The following MYH8 variants were observed in gnomAD, a reference collection of about 807,000 sequenced individuals.
The protein encoded by MYH8 is myosin-8.
A neutral mutation model predicts 233.2 loss-of-function variants in MYH8; 168 were observed. The ratio of observed to expected loss-of-function variants is 0.72; its 90% CI spans 0.64 to 0.82. The LOEUF is 0.82. Among genes scored for constraint, MYH8 ranks in the 40% least tolerant of loss-of-function variants. The probability of loss-of-function intolerance (pLI) is 0.00; values close to 1 mark genes in which losing one functional copy is unlikely to be tolerated. For synonymous variants in MYH8, 785 were observed against 850.6 expected (o/e 0.92, Z 1.34); for missense variants, 1,995 against 2,327.8 (o/e 0.86, Z 2.94).
chr17:10,392,814 G>C lies in MYH8; in HGVS notation c.5463+17C>G, dbSNP rs2072039892. On this transcript the variant is annotated intron_variant, in intron 37 of 39. Transcript: ENST00000403437. ...CCCTTTTTCCCTTCCCAGATTTAGA[G>C]AGATTGAGACACCCACCCTGGCCTC... 6.2e-7 allele frequency: 1 copy of C among 1,614,146 alleles called. No homozygotes were observed. The highest frequency in any genetic ancestry group is 8.5e-7 in the Non-Finnish European group (1 of 1,180,036).
chr17:10,399,935 G>T (rs565160568), intron 27 of MYH8, among the ~76,000 whole-genome samples: 1 of 152,314 alleles, frequency 6.6e-6, no homozygotes, highest in East Asian at 1.9e-4. Flanking sequence ...CGGGCGCGGT[G>T]GCTCATGCCT....
At chr17:10,409,193 G>C (rs201199013) in intron 16 of MYH8, 29 bp from the exon 17 acceptor site, 8 of 1,613,962 alleles carry the variant, frequency 5.0e-6, no homozygotes, top group South Asian at 1.1e-5. Flanking sequence ...CCGTGAATAA[G>C]AATAGAATAC....
rs1232504094 is a variant in MYH8 at position 10,417,751 on chromosome 17, C to T, written c.511+894G>A. 6.6e-6 allele frequency among the ~76,000 whole-genome samples: 1 copy of T among 152,170 alleles called. No homozygotes were observed. Among genetic ancestry groups the T allele is most frequent in the African/African-American group, 2.4e-5 (1 of 41,440 alleles). Reference sequence around the variant, plus strand: ...TTAGCTTCTGTTGACAATCAAAGAACAGTTTACTGGCATAGAATCCTTGTA... The same window carrying T: ...TTAGCTTCTGTTGACAATCAAAGAATAGTTTACTGGCATAGAATCCTTGTA... On this transcript the variant is annotated intron_variant, in intron 5 of 39. Transcript: ENST00000403437. This position sits in a 1 kb window ranked among gnomAD's most constrained non-coding sequence, Gnocchi z 4.1.
Position 10,396,160 on chromosome 17 carries a change from TTAGAAA to T in MYH8, c.4653+164_4653+169del, listed in dbSNP as rs998784835. Among the ~76,000 whole-genome samples, 32 of 152,204 alleles carry T rather than the reference TTAGAAA, an allele frequency of 2.1e-4. No homozygotes were observed. The highest frequency in any genetic ancestry group is 7.7e-4 in the African/African-American group (32 of 41,452). ...TTGACATCTTTTGGGTGATAAAATC[TTAGAAA>T]TAGAATTGATAGGTCAGAGTATTTA... On this transcript the variant is annotated intron_variant, in intron 33 of 39. Transcript: ENST00000403437. The surrounding 1 kb of genome is among the most constrained non-coding windows in gnomAD (Gnocchi z 4.2).
chr17:10,404,526 G>A lies in MYH8; in HGVS notation c.2492C>T (p.Pro831Leu), dbSNP rs2072172312. Reference protein sequence around the residue: ...VRAFMNVKHWPWMKLFFKIKP... With the variant: ...VRAFMNVKHWLWMKLFFKIKP... ...AATCTTGAAAAAGAGTTTCATCCAGGGCCAGTGCTTGACGTTCATGAAGGC... is the reference window on the plus strand; with the variant it reads ...AATCTTGAAAAAGAGTTTCATCCAGAGCCAGTGCTTGACGTTCATGAAGGC... Residue 831 changes from proline (P) to leucine (L), a missense_variant, in exon 22 of 40, where the codon CCC (proline) becomes CTC (leucine). Pro to Leu is a moderately conservative substitution (Grantham distance 98, BLOSUM62 -3). This residue lies in a region of MYH8 where 1,498 missense variants were observed against 1,680.9 expected (regional missense o/e 0.89). Coordinates refer to ENST00000403437, the MANE Select transcript of MYH8 (RefSeq NM_002472.3). The A allele has an allele frequency of 6.2e-7, 1 of 1,613,752 alleles. No homozygotes were observed. Among genetic ancestry groups the A allele is most frequent in the Non-Finnish European group, 8.5e-7 (1 of 1,179,886 alleles).
At chr17:10,407,615 C>T (rs902234569) in intron 17 of MYH8, among the ~76,000 whole-genome samples, 2 of 152,022 alleles carry the variant, frequency 1.3e-5, no homozygotes, top group Admixed American at 6.5e-5. Context: ...CCAAAGCGGG[C>T]GGATCATGAG....
Position 10,420,052 on chromosome 17 carries a change from CCTT to C in MYH8, c.173_175del (p.Glu58del), listed in dbSNP as rs2072322730. On this transcript the variant is annotated inframe_deletion, in exon 3 of 40. Coordinates refer to ENST00000403437, the MANE Select transcript of MYH8 (RefSeq NM_002472.3). ...TTCAGTCTTTACGGTTACTTTCCCT[CCTT>C]CTTTGCTTTGTATAGTGCTCTTCAC... The C allele has an allele frequency of 1.2e-6, 2 of 1,614,248 alleles. No individual in the cohort carries two copies. The highest frequency in any genetic ancestry group is 2.7e-5 in the African/African-American group (2 of 75,060).
intron 14 of MYH8, among the ~76,000 whole-genome samples, chr17:10,411,710 T>A (rs895931020): frequency 6.6e-6 from 1 of 152,218 alleles, no homozygotes; most frequent in African/African-American, 2.4e-5. Flanking sequence ...AAGGTCTTGG[T>A]GTATAAAGTG....
intron 5 of MYH8, among the ~76,000 whole-genome samples, chr17:10,416,486 G>A (rs1294255971): frequency 6.6e-6 from 1 of 152,134 alleles, no homozygotes; most frequent in East Asian, 1.9e-4. Flanking sequence ...AGAATTGTGG[G>A]ATCATACTGT....
chr17:10,396,829 C>G lies in MYH8; in HGVS notation c.4336G>C (p.Asp1446His), dbSNP rs779629902. The G allele has an allele frequency of 6.0e-5, 97 of 1,614,222 alleles. 1 individual carries two copies. The South Asian group carries it at 6.9e-4, about 12-fold the overall frequency. Residue 1446 changes from aspartate to histidine, a missense_variant, in exon 31 of 40, where the codon GAT becomes CAT. Transcript: ENST00000403437. This position sits in a 1 kb window ranked among gnomAD's most constrained non-coding sequence, Gnocchi z 4.2. The stretch of plus-strand genomic sequence containing the variant: ...TTGTCAAAGTTCCTTTGCTTCTTAT[C>G]AAGGGCTGCACAGGCTGCATTAGAC... ...ERSNAACAALDKKQRNFDKVL... is the reference protein window; with the variant it reads ...ERSNAACAALHKKQRNFDKVL...
At chr17:10,399,439 AT>A in intron 28 of MYH8, 103 bp downstream of exon 28, 1 of 1,589,384 alleles carries the variant, frequency 6.3e-7, no homozygotes, top group Non-Finnish European at 8.6e-7. Flanking sequence ...AACTCTGATC[AT>A]TTGTTTATCT....
chr17:10,411,010 GA>G (rs995950635), intron 14 of MYH8, 63 bp from the exon 15 acceptor site: 2 of 1,611,128 alleles, frequency 1.2e-6, no homozygotes, highest in African/African-American at 2.7e-5. Context: ...ATTCATTACT[GA>G]AAAAATTCTT....
intron 39 of MYH8, 75 bp from the exon 40 acceptor site, chr17:10,390,678 C>T: frequency 6.6e-7 from 1 of 1,525,268 alleles, no homozygotes; most frequent in Non-Finnish European, 9.1e-7. Flanking sequence ...AGGATTAGTT[C>T]CTCAAATCAG....
At chr17:10,407,943 A>AT (rs746935901) in intron 17 of MYH8, among the ~76,000 whole-genome samples, 3,291 of 140,748 alleles carry the variant, frequency 0.023, 51 homozygotes, top group African/African-American at 0.031. Context: ...AAGAAGGCAG[A>AT]TTTTTTTTTT....
intron 35 of MYH8, among the ~76,000 whole-genome samples, 177 bp downstream of exon 35, chr17:10,394,072 A>C (rs1368551633): frequency 5.4e-5 from 8 of 147,674 alleles, no homozygotes; most frequent in Middle Eastern, 3.5e-3. Flanking sequence ...CCAAAAAAAC[A>C]AAAAAAAATC....
At position 10,401,618 on chromosome 17, in the gene MYH8, T is replaced by C; in HGVS notation, c.2856A>G (p.Glu952=). 6.2e-7 allele frequency: 1 copy of C among 1,614,158 alleles called. No individual in the cohort carries two copies. The highest frequency in any genetic ancestry group is 1.3e-5 in the African/African-American group (1 of 75,028). The part of the protein sequence containing the change: ...KKRKLEDECS[E]LKKDIDDLEL... The stretch of plus-strand genomic sequence containing the variant: ...CAAGGTCATCAATGTCTTTCTTGAG[T>C]TCTGAACATTCATCCTCCAGTTTTC... Residue 952 remains glutamate (E), a synonymous_variant, in exon 23 of 40, where the codon GAA becomes GAG. Transcript: ENST00000403437.
intron 28 of MYH8, 108 bp from the exon 29 acceptor site, chr17:10,398,994 G>GTATATATATATATATATATATATATA (rs71365759): frequency 3.3e-6 from 1 of 305,198 alleles, no homozygotes. Context: ...ATGTGTGTGT[G>GTATATATATATATATATATATATATA]TATATATATA....
Position 10,396,273 on chromosome 17 carries a change from T to C in MYH8, c.4653+57A>G. On this transcript the variant is annotated intron_variant, in intron 33 of 39. Transcript: ENST00000403437. The surrounding 1 kb of genome is among the most constrained non-coding windows in gnomAD (Gnocchi z 4.2). ...GTTTAAATTATCACTAGCCCCACTT[T>C]TTTTTAACTGATGTTTGTCTTTGTT... 6.2e-7 allele frequency: 1 copy of C among 1,602,066 alleles called. No individual in the cohort carries two copies. The highest frequency in any genetic ancestry group is 8.5e-7 in the Non-Finnish European group (1 of 1,173,618).
Position 10,394,381 on chromosome 17 carries a change from C to G in MYH8, c.5034G>C (p.Glu1678Asp), listed in dbSNP as rs2072060399. Residue 1678 changes from glutamate to aspartate, a missense_variant, in exon 35 of 40, where the codon GAG (glutamate) becomes GAC (aspartate). This residue lies in a region of MYH8 where 1,498 missense variants were observed against 1,680.9 expected (regional missense o/e 0.89). Transcript: ENST00000403437. ...EDLKEQLAIV[E>D]RRANLLQAEI... ...CAGCCTGCAGCAGGTTGGCTCTGCG[C>G]TCCACAATTGCCAGCTGTTCCTTGA... 6.2e-7 allele frequency: 1 copy of G among 1,614,132 alleles called. No individual in the cohort carries two copies. Among genetic ancestry groups the G allele is most frequent in the Non-Finnish European group, 8.5e-7 (1 of 1,180,028 alleles).
Sources: allele counts gnomAD v4.1 joint callset (sites outside exome capture counted in the v4.1 genomes callset), GRCh38; gene constraint gnomAD v4.1.1; regional missense constraint gnomAD v4.1.1; non-coding constraint Gnocchi (gnomAD v3.1); transcripts MANE v1.5; gene names NCBI Gene and HGNC (gene_info 2026-07-23, HGNC 2026-07-21).